IL22RA1: variants seen among roughly 807,000 people sequenced by gnomAD.
IL22RA1 encodes interleukin 22 receptor subunit alpha 1, also known as interleukin-22 receptor subunit alpha-1.
Under a neutral mutation model 32.8 loss-of-function variants are expected in IL22RA1, and 25 were observed. The observed-to-expected ratio is 0.76, with a 90% confidence interval of 0.55 to 1.06. IL22RA1 has a LOEUF of 1.06. Ranked by LOEUF, IL22RA1 falls within the 50% of genes least tolerant of loss-of-function variation. The probability of loss-of-function intolerance (pLI) is 0.00; values close to 1 mark genes in which losing one functional copy is unlikely to be tolerated. For missense variants in IL22RA1, 709 were observed against 727.4 expected (o/e 0.97, Z 0.29); for synonymous variants, 305 against 305.0 (o/e 1.00, Z 0.00).
intron 5 of IL22RA1, among the ~76,000 whole-genome samples, chr1:24,124,716 A>G (rs931034574): frequency 1.3e-5 from 2 of 151,910 alleles, no homozygotes; most frequent in Admixed American, 1.3e-4. Flanking sequence ...CTCTACTTCT[A>G]GCCCACTCCT....
rs201992608 is a variant in IL22RA1, at chr1:24,121,655, G to A, written c.875C>T (p.Pro292Leu). ...VLIPVFDLSGPSSLAQPVQYS... is the reference protein window; with the variant it reads ...VLIPVFDLSGLSSLAQPVQYS... ...CTGGACAGGCTGGGCCAGACTGCTG[G>A]GGCCGCTGAGGTCAAAGACAGGGAT... The change falls in exon 7 of 7, where the codon CCC becomes CTC. Residue 292 changes from proline to leucine, a missense_variant. Pro to Leu is a moderately conservative substitution (Grantham distance 98). Transcript: ENST00000270800. The A allele has an allele frequency of 4.3e-6, 7 of 1,609,408 alleles. No individual in the cohort carries two copies. In the East Asian group the frequency reaches 1.6e-4, roughly 36 times the overall value.
At chr1:24,139,709 T>C (rs981095481) in intron 1 of IL22RA1, among the ~76,000 whole-genome samples, 1 of 152,228 alleles carries the variant, frequency 6.6e-6, no homozygotes, top group Non-Finnish European at 1.5e-5. Context: ...AATTTATTTT[T>C]AAATTTTTTG....
intron 4 of IL22RA1, among the ~76,000 whole-genome samples, chr1:24,129,717 C>A (rs1431873006): frequency 6.6e-6 from 1 of 152,134 alleles, no homozygotes; most frequent in Non-Finnish European, 1.5e-5. Flanking sequence ...ACATGGAGGC[C>A]AAGGTTGAGG....
rs374269399 is a variant in IL22RA1 at position 24,120,818 on chromosome 1, T to A, written c.1712A>T (p.Gln571Leu). 6.2e-7 allele frequency: 1 copy of A among 1,605,960 alleles called. No individual in the cohort carries two copies. The highest frequency in any genetic ancestry group is 8.5e-7 in the Non-Finnish European group (1 of 1,175,380). ...TTCCCATTCCCCTCAGGACTCCCAC[T>A]GCACAGTCAGGGCCAGGCCTCTGAA... ...SLFRGLALTVQWES is the reference protein window; with the variant it reads ...SLFRGLALTVLWES Residue 571 changes from glutamine (Q) to leucine (L), a missense_variant, in exon 7 of 7, where the codon CAG becomes CTG. Transcript: ENST00000270800.
chr1:24,121,774 AG>A (rs1644124916), intron 6 of IL22RA1, 37 bp from the exon 7 acceptor site: 1 of 1,433,462 alleles, frequency 7.0e-7, no homozygotes, highest in African/African-American at 1.4e-5. Flanking sequence ...CCCTGTGGTT[AG>A]GGTAAGTCCC....
chr1:24,131,233 G>A (rs1490338017), intron 4 of IL22RA1, among the ~76,000 whole-genome samples: 1 of 152,192 alleles, frequency 6.6e-6, no homozygotes, highest in African/African-American at 2.4e-5. Context: ...AAGAAAGATT[G>A]ATAAGGGAGA....
intron 5 of IL22RA1, among the ~76,000 whole-genome samples, chr1:24,127,577 T>C (rs1012472353): frequency 3.9e-5 from 6 of 152,106 alleles, no homozygotes; most frequent in African/African-American, 1.4e-4. Flanking sequence ...CCTCCCAAAG[T>C]GTTTGGTTTA....
rs777545837 is a variant in IL22RA1, at chr1:24,128,175, A to T, written c.636T>A (p.Ser212Arg). 1 of 1,583,782 alleles carries T rather than the reference A, an allele frequency of 6.3e-7. No individual in the cohort carries two copies. Among genetic ancestry groups the T allele is most frequent in the East Asian group, 2.4e-5 (1 of 42,196 alleles). ...MICVPTWAKE[S>R]APYMCRVKTL... ...TCTTCACTCGGCACATGTAGGGGGC[A>T]CTCTCCTTGGCCCAGGTGGGAACGC... is the stretch of plus-strand genomic sequence containing the variant. The change falls in exon 5 of 7, where the codon AGT becomes AGA. Residue 212 changes from serine to arginine, a missense_variant. Coordinates refer to ENST00000270800, the MANE Select transcript of IL22RA1 (RefSeq NM_021258.4).
At chr1:24,129,867 T>C (rs1644193155) in intron 4 of IL22RA1, among the ~76,000 whole-genome samples, 1 of 152,206 alleles carries the variant, frequency 6.6e-6, no homozygotes, top group Admixed American at 6.5e-5. Flanking sequence ...TCATGAGACA[T>C]AACTCCAGGA....
At chr1:24,123,175 G>A (rs1173379553) in intron 6 of IL22RA1, 127 bp downstream of exon 6, 14 of 1,365,624 alleles carry the variant, frequency 1.0e-5, no homozygotes, top group African/African-American at 2.9e-5. Flanking sequence ...TGTGAGCTCC[G>A]TGAATGGAGA....
In IL22RA1 at chr1:24,133,752, C is replaced by G. The variant is rs543832827; in HGVS notation, c.531+459G>C. ...CAATGTAAATATTATGCAAAAAAAG[C>G]AGCTTCTCTGGTCAAATAAATTCTG... On this transcript the variant is annotated intron_variant, in intron 4 of 6. Transcript: ENST00000270800. Among the ~76,000 whole-genome samples the G allele has an allele frequency of 2.0e-4, 31 of 152,210 alleles. 1 individual carries two copies. Among genetic ancestry groups the G allele is most frequent in the Middle Eastern group, 6.8e-3 (2 of 292 alleles).
intron 1 of IL22RA1, among the ~76,000 whole-genome samples, chr1:24,139,379 A>G (rs955034061): frequency 3.9e-5 from 6 of 152,228 alleles, no homozygotes; most frequent in Non-Finnish European, 5.9e-5. Context: ...GCTACCATGA[A>G]TAATGCTGCT....
At chr1:24,126,896 C>T (rs1415218798) in intron 5 of IL22RA1, among the ~76,000 whole-genome samples, 1 of 151,656 alleles carries the variant, frequency 6.6e-6, no homozygotes, top group African/African-American at 2.4e-5. Flanking sequence ...CTAGGCTGGG[C>T]GTGATGGCTC....
intron 1 of IL22RA1, 136 bp from the exon 2 acceptor site, chr1:24,138,850 G>A (rs1363122080): frequency 3.8e-6 from 4 of 1,049,344 alleles, no homozygotes; most frequent in Admixed American, 2.4e-5. Flanking sequence ...CCTGGTGGGT[G>A]GGCAGGGAGA....
chr1:24,131,902 A>G lies in IL22RA1; in HGVS notation c.531+2309T>C, dbSNP rs375056709. Reference sequence around the variant, plus strand: ...CCTCGATAAATTTAAAAGGACTGAAATCATACAGCGTGTGTTCTCTGACCA... The same window carrying G: ...CCTCGATAAATTTAAAAGGACTGAAGTCATACAGCGTGTGTTCTCTGACCA... On this transcript the variant is annotated intron_variant, in intron 4 of 6. Coordinates refer to ENST00000270800, the MANE Select transcript of IL22RA1 (RefSeq NM_021258.4). 1.4e-4 allele frequency among the ~76,000 whole-genome samples: 21 copies of G among 152,338 alleles called. No homozygotes were observed. The South Asian group carries it at 4.4e-3, about 32-fold the overall frequency.
rs761658544 is a variant in IL22RA1 at position 24,137,240 on chromosome 1, C to T, written c.246G>A (p.Thr82=). The change falls in exon 3 of 7, where the codon ACG becomes ACA. Residue 82 remains threonine, a synonymous_variant. Coordinates refer to ENST00000270800, the MANE Select transcript of IL22RA1 (RefSeq NM_021258.4). ...GCTCCGTGAGGTTGCCCGTCTCCAC[C>T]GTCAGGTTGCAGGACTTCCGGGTGA... The part of the protein sequence containing the change: ...QRITRKSCNL[T]VETGNLTELY... The T allele has an allele frequency of 7.4e-5, 119 of 1,614,036 alleles. 1 individual carries two copies. Among genetic ancestry groups the T allele is most frequent in the Admixed American group, 6.0e-4 (36 of 60,004 alleles).
intron 1 of IL22RA1, among the ~76,000 whole-genome samples, chr1:24,141,309 G>C (rs1196043896): frequency 5.3e-5 from 8 of 152,198 alleles, no homozygotes; most frequent in Non-Finnish European, 1.2e-4. Context: ...GTTGAGGAAA[G>C]GAGTCCAGTC....
At chr1:24,139,189 G>T (rs1644263952) in intron 1 of IL22RA1, among the ~76,000 whole-genome samples, 1 of 152,178 alleles carries the variant, frequency 6.6e-6, no homozygotes, top group Non-Finnish European at 1.5e-5. Context: ...CCCTACTCTA[G>T]ACTTTTTATG....
At chr1:24,141,565 C>T (rs914900210) in intron 1 of IL22RA1, among the ~76,000 whole-genome samples, 7 of 152,144 alleles carry the variant, frequency 4.6e-5, no homozygotes, top group Admixed American at 4.6e-4. Flanking sequence ...GTTGGCACCA[C>T]TTTTCAGGAG....
Sources: allele counts gnomAD v4.1 joint callset (sites outside exome capture counted in the v4.1 genomes callset), GRCh38; gene constraint gnomAD v4.1.1; transcripts MANE v1.5; gene names NCBI Gene and HGNC (gene_info 2026-07-23, HGNC 2026-07-21).